HPCAL1: variants seen among roughly 807,000 people sequenced by gnomAD.
The protein encoded by HPCAL1 is hippocalcin-like protein 1.
HPCAL1 carries 8 observed loss-of-function variants against 17.1 expected under a neutral mutation model. That is an observed-to-expected ratio of 0.47 (90% CI 0.27 to 0.84). The LOEUF is 0.84. Ranked by LOEUF, HPCAL1 falls within the 40% of genes least tolerant of loss-of-function variation. The probability of loss-of-function intolerance (pLI) is 0.13; values close to 1 mark genes in which losing one functional copy is unlikely to be tolerated. For synonymous variants in HPCAL1, 112 were observed against 111.4 expected (o/e 1.01, Z -0.03); for missense variants, 165 against 271.1 (o/e 0.61, Z 2.75).
At chr2:10,347,300 A>T (rs1422235117) in intron 1 of HPCAL1, among the ~76,000 whole-genome samples, 2 of 152,110 alleles carry the variant, frequency 1.3e-5, no homozygotes, top group African/African-American at 4.8e-5. Context: ...CACACCAGGC[A>T]GAGCCCTGTC....
chr2:10,397,693 G>C (rs372729721), intron 2 of HPCAL1, among the ~76,000 whole-genome samples: 1 of 152,194 alleles, frequency 6.6e-6, no homozygotes, highest in Admixed American at 6.5e-5. Flanking sequence ...CCGTGAGCTC[G>C]GGAGGGCTCC....
At chr2:10,391,590 C>T (rs1019346830) in intron 1 of HPCAL1, among the ~76,000 whole-genome samples, 1 of 152,198 alleles carries the variant, frequency 6.6e-6, no homozygotes, top group Non-Finnish European at 1.5e-5. Flanking sequence ...AAAAGGAAAC[C>T]CGTACCCTTT....
At chr2:10,420,356 AT>A (rs1294817102) in intron 3 of HPCAL1, among the ~76,000 whole-genome samples, 1 of 151,156 alleles carries the variant, frequency 6.6e-6, no homozygotes, top group Non-Finnish European at 1.5e-5. Flanking sequence ...TGCCCTGTTA[AT>A]TTTTTTGGTA....
chr2:10,308,688 C>T (rs1183725213), intron 1 of HPCAL1, among the ~76,000 whole-genome samples: 1 of 152,180 alleles, frequency 6.6e-6, no homozygotes, highest in Non-Finnish European at 1.5e-5. Flanking sequence ...CTACAGAATA[C>T]CCAAGGTGTG....
intron 1 of HPCAL1, among the ~76,000 whole-genome samples, chr2:10,346,864 C>G (rs1665493499): frequency 7.0e-6 from 1 of 143,162 alleles, no homozygotes; most frequent in African/African-American, 2.6e-5. Flanking sequence ...TCCCCCCACC[C>G]TCTTCCTTCT....
At chr2:10,349,739 A>AT (rs1665721525) in intron 1 of HPCAL1, among the ~76,000 whole-genome samples, 1 of 139,728 alleles carries the variant, frequency 7.2e-6, no homozygotes, top group Non-Finnish European at 1.6e-5. Context: ...AAAAAAAAAA[A>AT]GATATAGACA....
At chr2:10,407,087 T>G (rs1209461269) in intron 2 of HPCAL1, among the ~76,000 whole-genome samples, 1 of 152,178 alleles carries the variant, frequency 6.6e-6, no homozygotes, top group Admixed American at 6.5e-5. Flanking sequence ...TCCCCCATCC[T>G]GTCCCCCACC....
At chr2:10,368,398 T>C (rs1226660084) in intron 1 of HPCAL1, among the ~76,000 whole-genome samples, 2 of 152,152 alleles carry the variant, frequency 1.3e-5, no homozygotes, top group Non-Finnish European at 2.9e-5. Context: ...TGTCAGCATA[T>C]GTGTGTCTGC....
Position 10,427,119 on chromosome 2 carries a change from C to T in HPCAL1, c.*298C>T. 2.6e-6 allele frequency: 1 copy of T among 383,234 alleles called. No homozygotes were observed. The highest frequency in any genetic ancestry group is 4.1e-5 in the Admixed American group (1 of 24,142). The allele number at this position is 383,234 out of a possible 1,614,324, so 23.7% of individuals were successfully genotyped here. On this transcript the variant is annotated 3_prime_UTR_variant, in exon 5 of 5. Coordinates refer to ENST00000307845, the MANE Select transcript of HPCAL1 (RefSeq NM_002149.4). Reference sequence around the variant, plus strand: ...CCGGCTCACGGGGAGCTCAGAGGTCCATGCCGAGGAGACCAGGCAGGACCT... The same window carrying T: ...CCGGCTCACGGGGAGCTCAGAGGTCTATGCCGAGGAGACCAGGCAGGACCT...
At chr2:10,345,241 G>A (rs763904170) in intron 1 of HPCAL1, among the ~76,000 whole-genome samples, 10 of 152,146 alleles carry the variant, frequency 6.6e-5, no homozygotes, top group Middle Eastern at 3.4e-3. Context: ...CTCTCTCTCC[G>A]TCTTTGGGAC....
chr2:10,343,142 C>T lies in HPCAL1; in HGVS notation c.-111+39965C>T, dbSNP rs915094581. 1.3e-5 allele frequency among the ~76,000 whole-genome samples: 2 copies of T among 152,176 alleles called. No homozygotes were observed. The highest frequency in any genetic ancestry group is 2.9e-5 in the Non-Finnish European group (2 of 68,040). On this transcript the variant is annotated intron_variant, in intron 1 of 4. Coordinates refer to ENST00000307845, the MANE Select transcript of HPCAL1 (RefSeq NM_002149.4). The surrounding 1 kb of genome is among the most constrained non-coding windows in gnomAD (Gnocchi z 4.8). The stretch of plus-strand genomic sequence containing the variant: ...GTGCAGTGGGTATGCACTGGCAAGC[C>T]GTGCACTGTCACAATATTAAAATAA...
rs1187287583 is a variant in HPCAL1 at position 10,304,440 on chromosome 2, G to C, written c.-111+1263G>C. Among the ~76,000 whole-genome samples, 1 of 4,014 alleles carries C rather than the reference G, an allele frequency of 2.5e-4. No individual in the cohort carries two copies. The highest frequency in any genetic ancestry group is 3.1e-3 in the African/African-American group (1 of 322). 2.6% of individuals were successfully genotyped at this position (4,014 alleles called of 152,430 possible). ...CCAATTCCACCAGAGGAGGATGTTT[G>C]CCAGGGACGCCGAGTCCAGCTGCTG... On this transcript the variant is annotated intron_variant, in intron 1 of 4. Coordinates refer to ENST00000307845, the MANE Select transcript of HPCAL1 (RefSeq NM_002149.4). This position sits in a 1 kb window ranked among gnomAD's most constrained non-coding sequence, Gnocchi z 4.1.
At chr2:10,381,384 AG>A (rs35665427) in intron 1 of HPCAL1, among the ~76,000 whole-genome samples, 1 of 152,194 alleles carries the variant, frequency 6.6e-6, no homozygotes, top group African/African-American at 2.4e-5. Flanking sequence ...CTCCCACCTC[AG>A]GTCTGGGTTT....
chr2:10,368,215 G>A (rs1199874248), intron 1 of HPCAL1, among the ~76,000 whole-genome samples: 2 of 150,856 alleles, frequency 1.3e-5, no homozygotes, highest in Non-Finnish European at 2.9e-5. Flanking sequence ...GTGTAGGGGT[G>A]TGCGTGTGTA....
intron 2 of HPCAL1, chr2:10,408,430 T>C (rs1029479558): frequency 2.6e-5 from 4 of 152,298 alleles, no homozygotes; most frequent in Non-Finnish European, 5.9e-5. Context: ...AATGCCGTGA[T>C]GCAACAGCTT....
intron 2 of HPCAL1, among the ~76,000 whole-genome samples, chr2:10,400,882 C>T (rs1369197525): frequency 2.0e-5 from 3 of 152,208 alleles, no homozygotes; most frequent in East Asian, 3.8e-4. Flanking sequence ...TCTGCAGGAC[C>T]GCCAGGTGCC....
chr2:10,419,919 C>A lies in HPCAL1; in HGVS notation c.162C>A (p.Asn54Lys). The A allele has an allele frequency of 6.2e-7, 1 of 1,613,980 alleles. No homozygotes were observed. Among genetic ancestry groups the A allele is most frequent in the Non-Finnish European group, 8.5e-7 (1 of 1,180,026 alleles). The change falls in exon 3 of 5, where the codon AAC becomes AAA. Residue 54 changes from asparagine to lysine, a missense_variant. By Grantham distance (94) the Asn-to-Lys change is moderately conservative. Transcript: ENST00000307845. The surrounding 1 kb of genome is among the most constrained non-coding windows in gnomAD (Gnocchi z 5.0). The stretch of plus-strand genomic sequence containing the variant: ...ACGAGTTCAAGAAGATCTACGCCAA[C>A]TTCTTCCCCTACGGCGACGCTTCCA... Reference protein sequence around the residue: ...TVDEFKKIYANFFPYGDASKF... With the variant: ...TVDEFKKIYAKFFPYGDASKF...
At chr2:10,402,582 G>T (rs79336134) in intron 2 of HPCAL1, among the ~76,000 whole-genome samples, 1 of 152,160 alleles carries the variant, frequency 6.6e-6, no homozygotes, top group Non-Finnish European at 1.5e-5. Flanking sequence ...CACCGAGGGC[G>T]GCTGGAACAT....
At chr2:10,349,009 G>T (rs562094318) in intron 1 of HPCAL1, among the ~76,000 whole-genome samples, 1 of 152,260 alleles carries the variant, frequency 6.6e-6, no homozygotes, top group South Asian at 2.1e-4. Flanking sequence ...AAGTAGCCAC[G>T]CATTTGAGCC....
Sources: gnomAD v4.1 joint callset for allele counts (sites outside exome capture counted in the v4.1 genomes callset) on GRCh38, gnomAD v4.1.1 for gene constraint, Gnocchi (gnomAD v3.1) non-coding constraint, MANE v1.5 for transcripts, NCBI Gene and HGNC (gene_info 2026-07-23, HGNC 2026-07-21) for gene names.